Variants in ADGRA1 observed in about 807,000 individuals in gnomAD.
ADGRA1 encodes adhesion G protein-coupled receptor A1.
In ADGRA1, 12 loss-of-function variants were observed where a neutral mutation model predicts 21.3. The observed-to-expected ratio is 0.56, with a 90% CI of 0.36 to 0.91. The LOEUF (loss-of-function observed/expected upper bound fraction) is 0.91. Among genes scored for constraint, ADGRA1 ranks in the 40% least tolerant of loss-of-function variants. The pLI is 0.01. For synonymous variants in ADGRA1, 385 were observed against 368.8 expected (o/e 1.04, Z -0.50); for missense variants, 790 against 805.6 (o/e 0.98, Z 0.23).
Position 133,128,995 on chromosome 10 carries a change from C to G in ADGRA1, c.1167C>G (p.Cys389Trp). The G allele has an allele frequency of 6.4e-7, 1 of 1,566,434 alleles. No individual in the cohort carries two copies. The highest frequency in any genetic ancestry group is 8.6e-7 in the Non-Finnish European group (1 of 1,156,706). ...PATPCCAKMHCEPLTADEAHV... is the reference protein window; with the variant it reads ...PATPCCAKMHWEPLTADEAHV... ...CCCCGTGCTGCGCCAAGATGCACTGCGAGCCACTGACGGCGGACGAGGCGC... is the reference window on the plus strand; with the variant it reads ...CCCCGTGCTGCGCCAAGATGCACTGGGAGCCACTGACGGCGGACGAGGCGC... Residue 389 changes from cysteine (C) to tryptophan (W), a missense_variant, in exon 7 of 7, where the codon TGC (cysteine) becomes TGG (tryptophan). Coordinates refer to ENST00000392607, the MANE Select transcript of ADGRA1 (RefSeq NM_001083909.3).
intron 2 of ADGRA1, among the ~76,000 whole-genome samples, chr10:133,090,173 C>G (rs1383796368): frequency 6.6e-6 from 1 of 152,276 alleles, no homozygotes; most frequent in Non-Finnish European, 1.5e-5. Context: ...CTCGCCTCCT[C>G]CTCTCTAACC....
chr10:133,102,360 G>A (rs1851811498), intron 4 of ADGRA1: 1 of 521,886 alleles, frequency 1.9e-6, no homozygotes, highest in Admixed American at 2.1e-5. Context: ...GGGGACGTTG[G>A]TCTGCAGCTC....
intron 5 of ADGRA1, among the ~76,000 whole-genome samples, chr10:133,125,070 G>A (rs1007452571): frequency 5.3e-5 from 8 of 152,240 alleles, no homozygotes; most frequent in African/African-American, 1.4e-4. Context: ...CTACTTTGCC[G>A]GGCATCCGTG....
chr10:133,111,174 CGTG>C (rs1564848877), intron 5 of ADGRA1, among the ~76,000 whole-genome samples: 633 of 52,106 alleles, frequency 0.012, 182 homozygotes, highest in African/African-American at 0.068. Flanking sequence ...ACCTGCCCGC[CGTG>C]AGCACCTCCC....
intron 5 of ADGRA1, among the ~76,000 whole-genome samples, chr10:133,122,639 C>T (rs553257680): frequency 2.1e-4 from 32 of 152,304 alleles, no homozygotes; most frequent in African/African-American, 5.8e-4. Flanking sequence ...ACACCAGCAC[C>T]GCCCAGGAAC....
chr10:133,124,078 C>T lies in ADGRA1; in HGVS notation c.402-3155C>T, dbSNP rs527589290. ...GGCACTGATGGCCGCTCCTCCCTCA[C>T]TTGGCACTGGGTCACGTGGTGATGC... is the stretch of plus-strand genomic sequence containing the variant. On this transcript the variant is annotated intron_variant, in intron 5 of 6. Transcript: ENST00000392607. 5.9e-5 allele frequency among the ~76,000 whole-genome samples: 9 copies of T among 152,346 alleles called. No homozygotes were observed. The East Asian group carries it at 1.7e-3, about 29-fold the overall frequency.
At position 133,093,057 on chromosome 10, in the gene ADGRA1, T is replaced by C. The variant is rs369910998; in HGVS notation, c.4-3917T>C. On this transcript the variant is annotated intron_variant, in intron 2 of 6. Coordinates refer to ENST00000392607, the MANE Select transcript of ADGRA1 (RefSeq NM_001083909.3). Reference sequence around the variant, plus strand: ...ACCTGGCCCCGGACACCTCACTGTGTAGGAAAGAAGGTTCCTCAGCCAGTT... The same window carrying C: ...ACCTGGCCCCGGACACCTCACTGTGCAGGAAAGAAGGTTCCTCAGCCAGTT... 106 of 1,550,064 alleles carry C rather than the reference T, an allele frequency of 6.8e-5. 2 individuals carry two copies. The highest frequency in any genetic ancestry group is 3.2e-4 in the South Asian group (28 of 88,752).
intron 5 of ADGRA1, among the ~76,000 whole-genome samples, chr10:133,124,977 G>A (rs769946523): frequency 5.3e-5 from 8 of 152,122 alleles, no homozygotes; most frequent in East Asian, 3.9e-4. Flanking sequence ...CCGTGGGTCC[G>A]TCCTGCACCA....
intron 5 of ADGRA1, among the ~76,000 whole-genome samples, chr10:133,124,851 C>G (rs533190017): frequency 6.8e-6 from 1 of 146,196 alleles, no homozygotes; most frequent in South Asian, 2.2e-4. Context: ...GCCCCGGCCC[C>G]GGCCCCGCGC....
At position 133,100,004 on chromosome 10, in the gene ADGRA1, G is replaced by A. The variant is rs116304988; in HGVS notation, c.255+1241G>A. Among the ~76,000 whole-genome samples, 950 of 152,356 alleles carry A rather than the reference G, an allele frequency of 6.2e-3. 15 individuals carry two copies. The highest frequency in any genetic ancestry group is 0.022 in the African/African-American group (919 of 41,582). On this transcript the variant is annotated intron_variant, in intron 4 of 6. Coordinates refer to ENST00000392607, the MANE Select transcript of ADGRA1 (RefSeq NM_001083909.3). The stretch of plus-strand genomic sequence containing the variant: ...ACAGGCTCCCACACCTGCCTGCCAC[G>A]GCCACGGGCTTCCTTCCTTCCCAGC...
intron 4 of ADGRA1, among the ~76,000 whole-genome samples, chr10:133,100,996 G>T (rs568700425): frequency 6.6e-6 from 1 of 152,246 alleles, no homozygotes; most frequent in Non-Finnish European, 1.5e-5. Context: ...CCGATGAACT[G>T]TCTGCTCCCC....
At chr10:133,097,594 G>A (rs994780344) in intron 3 of ADGRA1, among the ~76,000 whole-genome samples, 5 of 152,194 alleles carry the variant, frequency 3.3e-5, no homozygotes, top group Admixed American at 1.3e-4. Flanking sequence ...GCTTAGAGGC[G>A]CCCAGGGCCA....
At chr10:133,115,654 G>A (rs1852143409) in intron 5 of ADGRA1, among the ~76,000 whole-genome samples, 2 of 152,134 alleles carry the variant, frequency 1.3e-5, no homozygotes, top group South Asian at 4.1e-4. Flanking sequence ...CCGGCACTGT[G>A]GGGACTCAGC....
intron 5 of ADGRA1, among the ~76,000 whole-genome samples, chr10:133,115,054 C>T (rs767087456): frequency 5.1e-4 from 77 of 152,302 alleles, no homozygotes; most frequent in Middle Eastern, 3.4e-3. Flanking sequence ...GTCCTGGGGA[C>T]GTGCTTCCAG....
chr10:133,101,213 C>T (rs1320296030), intron 4 of ADGRA1, among the ~76,000 whole-genome samples: 10 of 152,176 alleles, frequency 6.6e-5, no homozygotes. Flanking sequence ...GCCTGCCCCG[C>T]CCTTGTCACA....
chr10:133,119,910 A>G (rs1343535220), intron 5 of ADGRA1, among the ~76,000 whole-genome samples: 3 of 152,240 alleles, frequency 2.0e-5, no homozygotes, highest in Non-Finnish European at 4.4e-5. Flanking sequence ...GAGTAGATTG[A>G]GCATCATTCT....
At chr10:133,127,156 A>G in intron 5 of ADGRA1, 77 bp from the exon 6 acceptor site, 1 of 885,166 alleles carries the variant, frequency 1.1e-6, no homozygotes, top group Non-Finnish European at 1.6e-6. Context: ...TGCCCCGCGG[A>G]GTGGGGGAGG....
At chr10:133,108,642 A>G (rs537197709) in intron 5 of ADGRA1, among the ~76,000 whole-genome samples, 8 of 151,778 alleles carry the variant, frequency 5.3e-5, no homozygotes, top group African/African-American at 1.7e-4. Context: ...TAGACACTAG[A>G]CTCTGTTGCA....
At chr10:133,128,241 G>T in intron 6 of ADGRA1, 88 bp from the exon 7 acceptor site, 6 of 993,226 alleles carry the variant, frequency 6.0e-6, no homozygotes, top group Non-Finnish European at 8.5e-6. Context: ...CGCTAGGCCG[G>T]GTGGGTGCAG....
Sources: gnomAD v4.1 joint callset for allele counts (sites outside exome capture counted in the v4.1 genomes callset) on GRCh38, gnomAD v4.1.1 for gene constraint, MANE v1.5 for transcripts, NCBI Gene and HGNC (gene_info 2026-07-23, HGNC 2026-07-21) for gene names.